Variants in MAGI1 observed in about 807,000 individuals in gnomAD.
The protein encoded by MAGI1 is membrane associated guanylate kinase, WW and PDZ domain containing 1.
In MAGI1, 58 loss-of-function variants were observed where a neutral mutation model predicts 139.9. The observed-to-expected ratio is 0.41, with a 90% CI of 0.34 to 0.52. MAGI1 has a LOEUF of 0.52. MAGI1 is among the 20% of genes least tolerant of loss of function. The pLI, the probability that MAGI1 is intolerant of heterozygous loss-of-function variation, is 0.12. For missense variants in MAGI1, 1,874 were observed against 1,901.6 expected (o/e 0.99, Z 0.27); for synonymous variants, 812 against 737.9 (o/e 1.10, Z -1.63).
rs80327741 is a variant in MAGI1, at chr3:65,695,049, G to A, written c.314-72961C>T. 1.7e-3 allele frequency among the ~76,000 whole-genome samples: 264 copies of A among 152,154 alleles called. 1 individual carries two copies. Among genetic ancestry groups the A allele is most frequent in the African/African-American group, 6.2e-3 (256 of 41,520 alleles). Reference sequence around the variant, plus strand: ...ATGGGCATTTATTACCAAAAATTACGCAGGAAGGAAAGGGAAGAAGGTCCC... The same window carrying A: ...ATGGGCATTTATTACCAAAAATTACACAGGAAGGAAAGGGAAGAAGGTCCC... On this transcript the variant is annotated intron_variant, in intron 1 of 22. Transcript: ENST00000402939.
intron 2 of MAGI1, among the ~76,000 whole-genome samples, chr3:65,502,569 TA>T (rs564852471): frequency 9.5e-4 from 145 of 152,274 alleles, no homozygotes; most frequent in Non-Finnish European, 1.8e-3. Flanking sequence ...CCAGCCTGGG[TA>T]ACATAACAAG....
In MAGI1 at chr3:65,786,435, C is replaced by T. The variant is rs118002218; in HGVS notation, c.314-164347G>A. 3.1e-3 allele frequency among the ~76,000 whole-genome samples: 472 copies of T among 151,610 alleles called. 9 individuals carry two copies. In the East Asian group the frequency reaches 0.081, roughly 26 times the overall value. ...GATCCTCCCACCTCGGCTTCCCAAG[C>T]AGCTGGGTCTACAGGCATGCGCCAC... On this transcript the variant is annotated intron_variant, in intron 1 of 22. Coordinates refer to ENST00000402939, the MANE Select transcript of MAGI1 (RefSeq NM_001033057.2).
chr3:65,847,712 T>C (rs2059054179), intron 1 of MAGI1, among the ~76,000 whole-genome samples: 2 of 152,250 alleles, frequency 1.3e-5, no homozygotes, highest in South Asian at 4.1e-4. Flanking sequence ...TTTATTCTTT[T>C]ATGCTAAGGA....
At chr3:65,692,233 C>T (rs999335146) in intron 1 of MAGI1, among the ~76,000 whole-genome samples, 1 of 152,128 alleles carries the variant, frequency 6.6e-6, no homozygotes, top group Non-Finnish European at 1.5e-5. Context: ...GATACAAAAT[C>T]CATGTTTTAA....
At chr3:65,559,531 T>C (rs986888521) in intron 2 of MAGI1, among the ~76,000 whole-genome samples, 14 of 152,242 alleles carry the variant, frequency 9.2e-5, no homozygotes, top group Non-Finnish European at 1.3e-4. Flanking sequence ...TCTGTTGAAA[T>C]AGATTTCTCT....
intron 5 of MAGI1, among the ~76,000 whole-genome samples, chr3:65,466,081 A>G (rs1275588392): frequency 6.6e-6 from 1 of 152,032 alleles, no homozygotes; most frequent in Non-Finnish European, 1.5e-5. Flanking sequence ...TACTTTTTTT[A>G]AATCATCTAT....
intron 8 of MAGI1, 140 bp from the exon 9 acceptor site, chr3:65,440,152 T>G: frequency 1.1e-6 from 1 of 932,240 alleles, no homozygotes; most frequent in Non-Finnish European, 1.6e-6. Flanking sequence ...AATGCTCAGT[T>G]AGAAAGAGGA....
At chr3:65,713,732 C>T (rs898212257) in intron 1 of MAGI1, among the ~76,000 whole-genome samples, 4 of 152,148 alleles carry the variant, frequency 2.6e-5, no homozygotes, top group Non-Finnish European at 4.4e-5. Context: ...TTTGTGTGTG[C>T]CTACTACGTC....
chr3:66,006,018 T>TA (rs2066994541), intron 1 of MAGI1, among the ~76,000 whole-genome samples: 1 of 152,194 alleles, frequency 6.6e-6, no homozygotes, highest in African/African-American at 2.4e-5. Context: ...GTTGAGCTGA[T>TA]AAAAAATTAT....
chr3:65,959,593 C>T (rs1166285585), intron 1 of MAGI1, among the ~76,000 whole-genome samples: 2 of 145,266 alleles, frequency 1.4e-5, no homozygotes, highest in Non-Finnish European at 3.0e-5. Flanking sequence ...GGCCACCATC[C>T]CAGCATTTTT....
At chr3:65,859,265 A>G (rs72909426) in intron 1 of MAGI1, among the ~76,000 whole-genome samples, 25 of 151,448 alleles carry the variant, frequency 1.7e-4, no homozygotes, top group African/African-American at 5.6e-4. Flanking sequence ...CCCAGGAGGT[A>G]CCTGGGTGAC....
rs1005651812 is a variant in MAGI1 at position 65,768,256 on chromosome 3, C to T, written c.314-146168G>A. 4.6e-5 allele frequency among the ~76,000 whole-genome samples: 7 copies of T among 152,186 alleles called. 1 individual carries two copies. In the South Asian group the frequency reaches 1.5e-3, roughly 32 times the overall value. ...CCAACTTGACAAAACCTCGTCTCTA[C>T]TAAAAATACAAAAATTAGCCAGGTA... On this transcript the variant is annotated intron_variant, in intron 1 of 22. Coordinates refer to ENST00000402939, the MANE Select transcript of MAGI1 (RefSeq NM_001033057.2).
At chr3:65,832,243 T>C (rs2042569088) in intron 1 of MAGI1, among the ~76,000 whole-genome samples, 1 of 152,226 alleles carries the variant, frequency 6.6e-6, no homozygotes, top group Non-Finnish European at 1.5e-5. Context: ...AATCAGTGCC[T>C]GCAAATGCAG....
At chr3:65,493,470 C>T (rs1952204759) in intron 3 of MAGI1, 42 bp downstream of exon 3, 1 of 1,613,506 alleles carries the variant, frequency 6.2e-7, no homozygotes, top group African/African-American at 1.3e-5. Context: ...CTCTCAAGTA[C>T]CCAGGAGAGA....
intron 1 of MAGI1, among the ~76,000 whole-genome samples, chr3:65,803,151 G>C (rs1406925287): frequency 3.3e-5 from 5 of 151,950 alleles, no homozygotes; most frequent in Non-Finnish European, 7.4e-5. Context: ...TAAATGAGCT[G>C]ATTTTTTTTA....
intron 18 of MAGI1, among the ~76,000 whole-genome samples, chr3:65,368,446 A>C (rs1553696485): frequency 6.6e-6 from 1 of 152,186 alleles, no homozygotes; most frequent in Non-Finnish European, 1.5e-5. Flanking sequence ...CTGTCCAGGG[A>C]CTATTCCAAA....
chr3:65,373,480 C>A (rs990069061), intron 18 of MAGI1, among the ~76,000 whole-genome samples: 10 of 152,100 alleles, frequency 6.6e-5, no homozygotes, highest in Non-Finnish European at 1.2e-4. Flanking sequence ...AAATGTGACA[C>A]AAAGGCACAA....
At chr3:65,569,862 G>A (rs148747177) in intron 2 of MAGI1, among the ~76,000 whole-genome samples, 15 of 151,468 alleles carry the variant, frequency 9.9e-5, no homozygotes, top group East Asian at 1.9e-4. Context: ...GCAATACAGC[G>A]AGACCCTGTC....
chr3:65,805,221 G>A (rs539411727), intron 1 of MAGI1, among the ~76,000 whole-genome samples: 1 of 152,058 alleles, frequency 6.6e-6, no homozygotes, highest in South Asian at 2.1e-4. Context: ...GAATCTATAA[G>A]GAACTTAAAC....
Sources: allele counts gnomAD v4.1 joint callset (sites outside exome capture counted in the v4.1 genomes callset), GRCh38; gene constraint gnomAD v4.1.1; transcripts MANE v1.5; gene names NCBI Gene and HGNC (gene_info 2026-07-23, HGNC 2026-07-21).